The following KCNMA1 variants were observed in gnomAD, a reference collection of about 807,000 sequenced individuals.
KCNMA1 encodes the protein Calcium-activated potassium channel subunit alpha-1.
A neutral mutation model predicts 140.0 loss-of-function variants in KCNMA1; 29 were observed. The observed-to-expected ratio is 0.21, with a 90% CI of 0.15 to 0.28. The LOEUF (loss-of-function observed/expected upper bound fraction) is 0.28. Ranked by LOEUF, KCNMA1 falls within the 10% of genes least tolerant of loss-of-function variation. KCNMA1 has a pLI of 1.00. For missense variants in KCNMA1, 880 were observed against 1,602.2 expected (o/e 0.55, Z 7.70); for synonymous variants, 612 against 611.9 (o/e 1.00, Z 0.00).
At chr10:77,199,374 T>C (rs1223716400) in intron 3 of KCNMA1, among the ~76,000 whole-genome samples, 1 of 152,194 alleles carries the variant, frequency 6.6e-6, no homozygotes, top group Non-Finnish European at 1.5e-5. Flanking sequence ...GATTTTAATT[T>C]CTGGCAGCAG....
chr10:77,195,145 T>C (rs1165218980), intron 3 of KCNMA1, among the ~76,000 whole-genome samples: 2 of 152,218 alleles, frequency 1.3e-5, no homozygotes, highest in African/African-American at 2.4e-5. Context: ...AAGACAATTA[T>C]ACCTTTATTG....
intron 14 of KCNMA1, among the ~76,000 whole-genome samples, chr10:77,049,509 T>C (rs913109320): frequency 6.6e-6 from 1 of 152,194 alleles, no homozygotes; most frequent in African/African-American, 2.4e-5. Flanking sequence ...TGGAATTCCA[T>C]TTCCGTATCG....
Position 77,401,281 on chromosome 10 carries a change from C to T in KCNMA1, c.540+2581G>A, listed in dbSNP as rs149809593. The stretch of plus-strand genomic sequence containing the variant: ...GTGCCATTATCCTGCCTCAGCCTCT[C>T]GAGTAGCTGGGACTACAGGCACCCG... On this transcript the variant is annotated intron_variant, in intron 2 of 27. Transcript: ENST00000286628. Among the ~76,000 whole-genome samples, 542 of 152,130 alleles carry T rather than the reference C, an allele frequency of 3.6e-3. 3 individuals carry two copies. The highest frequency in any genetic ancestry group is 0.013 in the African/African-American group (520 of 41,516).
At chr10:77,275,660 T>C (rs1020158494) in intron 2 of KCNMA1, among the ~76,000 whole-genome samples, 4 of 152,150 alleles carry the variant, frequency 2.6e-5, no homozygotes, top group African/African-American at 9.7e-5. Context: ...GCAAAAGACA[T>C]AAGACTACAA....
chr10:77,189,903 G>A (rs1248495070), intron 3 of KCNMA1, among the ~76,000 whole-genome samples: 1 of 152,094 alleles, frequency 6.6e-6, no homozygotes, highest in Non-Finnish European at 1.5e-5. Flanking sequence ...CCACCATCAC[G>A]GTCCCTGCCT....
At chr10:77,522,178 A>AAAAT (rs57838652) in intron 1 of KCNMA1, among the ~76,000 whole-genome samples, 26,806 of 142,748 alleles carry the variant, frequency 0.19, 2,842 homozygotes, top group Middle Eastern at 0.28. Context: ...ACTCCATCTC[A>AAAAT]AAATAAATAA....
chr10:77,535,647 C>A (rs988767602), intron 1 of KCNMA1, among the ~76,000 whole-genome samples: 2 of 152,178 alleles, frequency 1.3e-5, no homozygotes, highest in Non-Finnish European at 2.9e-5. Context: ...ACCTGAGTGT[C>A]CATCAATGAA....
chr10:76,925,194 T>C (rs890983527), intron 23 of KCNMA1, among the ~76,000 whole-genome samples: 3 of 152,218 alleles, frequency 2.0e-5, no homozygotes, highest in Admixed American at 6.5e-5. Context: ...TTGTTAAGCA[T>C]CTTTAATTCT....
chr10:77,274,921 C>T (rs887942522), intron 2 of KCNMA1, among the ~76,000 whole-genome samples: 5 of 152,164 alleles, frequency 3.3e-5, no homozygotes, highest in African/African-American at 9.7e-5. Flanking sequence ...TGATGAAGAC[C>T]GAGATGGGGC....
intron 23 of KCNMA1, among the ~76,000 whole-genome samples, chr10:76,916,782 G>T (rs2053106699): frequency 6.6e-6 from 1 of 152,200 alleles, no homozygotes; most frequent in Non-Finnish European, 1.5e-5. Context: ...AAATACGGGA[G>T]CTCAATAATT....
intron 1 of KCNMA1, among the ~76,000 whole-genome samples, chr10:77,535,289 G>T (rs886736511): frequency 7.9e-5 from 12 of 152,190 alleles, no homozygotes; most frequent in African/African-American, 2.7e-4. Context: ...GGACTCATCA[G>T]ATTTGGTCCA....
intron 1 of KCNMA1, among the ~76,000 whole-genome samples, chr10:77,418,713 G>T (rs1008440405): frequency 1.6e-4 from 24 of 152,156 alleles, no homozygotes; most frequent in African/African-American, 4.8e-4. Context: ...ATCCACGGGG[G>T]CCTCCCTCCT....
Position 77,084,725 on chromosome 10 carries a change from A to G in KCNMA1, c.1441-6T>C, listed in dbSNP as rs899101473. ...CATGCATCTGCTGACTCTATCTAAG[A>G]CACCGAAAGGAAAATTCACAGAACA... On this transcript the variant is annotated splice_region_variant and splice_polypyrimidine_tract_variant and intron_variant, in intron 11 of 27. Coordinates refer to ENST00000286628, the MANE Select transcript of KCNMA1 (RefSeq NM_001161352.2). 2 of 1,608,592 alleles carry G rather than the reference A, an allele frequency of 1.2e-6. No individual in the cohort carries two copies. The highest frequency in any genetic ancestry group is 1.3e-5 in the African/African-American group (1 of 74,796).
chr10:77,126,876 C>T (rs1162291167), intron 5 of KCNMA1, among the ~76,000 whole-genome samples: 2 of 152,160 alleles, frequency 1.3e-5, no homozygotes, highest in African/African-American at 4.8e-5. Context: ...TATTCCCTCA[C>T]AGGCATGGGC....
chr10:76,895,620 G>A (rs76130284), intron 25 of KCNMA1, among the ~76,000 whole-genome samples: 80 of 152,276 alleles, frequency 5.3e-4, no homozygotes, highest in African/African-American at 1.7e-3. Flanking sequence ...AAAGAGTGAT[G>A]CAATGATACA....
intron 19 of KCNMA1, among the ~76,000 whole-genome samples, chr10:76,982,358 G>T (rs77606315): frequency 0.01 from 1,518 of 151,552 alleles, 23 homozygotes; most frequent in African/African-American, 0.035. Context: ...GGAAGAAAAA[G>T]AAGACGACTT....
Position 77,108,512 on chromosome 10 carries a change from C to T in KCNMA1, c.1192G>A (p.Gly398Arg). The change falls in exon 9 of 28, where the codon GGG becomes AGG. Residue 398 changes from glycine to arginine, a missense_variant. Around this residue, in one of 13 missense-constraint regions of KCNMA1, gnomAD observed 198 missense variants for 580.1 expected, o/e 0.34. Coordinates refer to ENST00000286628, the MANE Select transcript of KCNMA1 (RefSeq NM_001161352.2). The surrounding 1 kb of genome is among the most constrained non-coding windows in gnomAD (Gnocchi z 4.6). ...IELIGNRKKY[G>R]GSYSAVSGRK... ...CCACTAACCGCACTATAGGAGCCCC[C>T]GTATTTCTTGCGGTTTCCTATTAAC... 1 of 1,613,878 alleles carries T rather than the reference C, an allele frequency of 6.2e-7. No homozygotes were observed. Among genetic ancestry groups the T allele is most frequent in the Non-Finnish European group, 8.5e-7 (1 of 1,179,944 alleles).
intron 25 of KCNMA1, among the ~76,000 whole-genome samples, chr10:76,893,426 C>G (rs993740744): frequency 6.6e-6 from 1 of 152,056 alleles, no homozygotes; most frequent in Non-Finnish European, 1.5e-5. Context: ...ATTTTAAACT[C>G]GATGTGGTAG....
rs1399157127 is a variant in KCNMA1, at chr10:76,891,394, A to C, written c.3342+131T>G. ...CCAGAGTAAACTATAAATAAATATCACCTCTTACAGTTATCTACAATAGGA... is the reference window on the plus strand; with the variant it reads ...CCAGAGTAAACTATAAATAAATATCCCCTCTTACAGTTATCTACAATAGGA... On this transcript the variant is annotated intron_variant, in intron 26 of 27. Coordinates refer to ENST00000286628, the MANE Select transcript of KCNMA1 (RefSeq NM_001161352.2). 5 of 726,334 alleles carry C rather than the reference A, an allele frequency of 6.9e-6. No individual in the cohort carries two copies. The Admixed American group carries it at 1.0e-4, about 15-fold the overall frequency. 45.0% of individuals were successfully genotyped at this position (726,334 alleles called of 1,614,324 possible). A position where few individuals can be genotyped will look rare whatever the true frequency, so the allele number is the denominator to read the frequency against.
Sources: allele counts gnomAD v4.1 joint callset (sites outside exome capture counted in the v4.1 genomes callset), GRCh38; gene constraint gnomAD v4.1.1; regional missense constraint gnomAD v4.1.1; non-coding constraint Gnocchi (gnomAD v3.1); transcripts MANE v1.5; gene names NCBI Gene and HGNC (gene_info 2026-07-23, HGNC 2026-07-21).